The following ARL13B variants were observed in gnomAD, a reference collection of about 807,000 sequenced individuals.
ARL13B encodes ARF like GTPase 13B.
Under a neutral mutation model 56.1 loss-of-function variants are expected in ARL13B, and 36 were observed. The observed-to-expected ratio is 0.64, with a 90% CI of 0.49 to 0.85. The LOEUF (loss-of-function observed/expected upper bound fraction) is 0.85, where lower values mean the gene tolerates loss of function less well. Ranked by LOEUF, ARL13B falls within the 40% of genes least tolerant of loss-of-function variation. ARL13B has a pLI of 0.00. For synonymous variants in ARL13B, 178 were observed against 171.1 expected, an observed-to-expected ratio of 1.04 and a Z score of -0.32; for missense variants, 519 against 507.1, an observed-to-expected ratio of 1.02 and a Z score of -0.23.
Position 94,055,419 on chromosome 3 carries a change from A to G in ARL13B, c.*2156A>G. On this transcript the variant is annotated 3_prime_UTR_variant, in exon 10 of 10. Coordinates refer to ENST00000394222, the MANE Select transcript of ARL13B (RefSeq NM_001174150.2). ...AATGCATTTTTTTGATACTTTACAC[A>G]CAAAACTTTTTTCTCTCTGCAAGTT... 1 of 452,824 alleles carries G rather than the reference A, an allele frequency of 2.2e-6. No homozygotes were observed. The highest frequency in any genetic ancestry group is 1.6e-5 in the South Asian group (1 of 64,246). The allele number at this position is 452,824 out of a possible 1,614,324, so 28.1% of individuals were successfully genotyped here.
intron 3 of ARL13B, among the ~76,000 whole-genome samples, chr3:94,029,174 G>A (rs2107067387): frequency 6.7e-6 from 1 of 150,224 alleles, no homozygotes; most frequent in Admixed American, 6.6e-5. Flanking sequence ...ATACCAGAGG[G>A]AAATGTTTAT....
At chr3:94,051,855 C>T (rs778169364) in intron 9 of ARL13B, among the ~76,000 whole-genome samples, 8 of 151,472 alleles carry the variant, frequency 5.3e-5, no homozygotes. Flanking sequence ...TGCTTTTTTC[C>T]CCCAGAATTC....
intron 3 of ARL13B, among the ~76,000 whole-genome samples, chr3:94,033,540 A>G (rs1171030666): frequency 6.6e-6 from 1 of 152,218 alleles, no homozygotes; most frequent in African/African-American, 2.4e-5. Flanking sequence ...TATTTTTAGC[A>G]AGAATCCTGC....
chr3:94,006,994 T>C (rs2076146581), intron 3 of ARL13B, among the ~76,000 whole-genome samples: 1 of 152,158 alleles, frequency 6.6e-6, no homozygotes, highest in Admixed American at 6.5e-5. Context: ...TTCTCTTTGT[T>C]GCACACAGCT....
Position 94,054,835 on chromosome 3 carries a change from G to C in ARL13B, c.*1572G>C, listed in dbSNP as rs1311024443. Reference sequence around the variant, plus strand: ...ATTCGTAACAACCTAAATTTGAGAGGTGGCTGAAATGTGATGAAAAGCAAT... The same window carrying C: ...ATTCGTAACAACCTAAATTTGAGAGCTGGCTGAAATGTGATGAAAAGCAAT... On this transcript the variant is annotated 3_prime_UTR_variant, in exon 10 of 10. Transcript: ENST00000394222. The C allele has an allele frequency of 1.1e-5, 4 of 364,832 alleles. No homozygotes were observed. The Admixed American group carries it at 1.3e-4, about 12-fold the overall frequency. 22.6% of individuals were successfully genotyped at this position (364,832 alleles called of 1,614,324 possible).
chr3:94,049,299 G>A (rs2077030626), intron 7 of ARL13B, 107 bp from the exon 8 acceptor site: 1 of 619,960 alleles, frequency 1.6e-6, no homozygotes, highest in South Asian at 2.3e-5. Context: ...AAATAGTCAA[G>A]ATGTTTTTTG....
In ARL13B at chr3:93,985,860, G is replaced by C. The variant is rs1273347687; in HGVS notation, c.59+5378G>C. Among the ~76,000 whole-genome samples the C allele has an allele frequency of 2.0e-5, 3 of 152,044 alleles. No individual in the cohort carries two copies. In the South Asian group the frequency reaches 6.2e-4, roughly 32 times the overall value. ...TTTACTTCAAATTTATTAGTAAATT[G>C]TTTGCTGTGGCCAAGTCTAAAATAA... On this transcript the variant is annotated intron_variant, in intron 1 of 9. Coordinates refer to ENST00000394222, the MANE Select transcript of ARL13B (RefSeq NM_001174150.2).
chr3:93,987,581 G>A (rs1265650392), intron 1 of ARL13B, among the ~76,000 whole-genome samples: 2 of 152,002 alleles, frequency 1.3e-5, no homozygotes, highest in Admixed American at 1.3e-4. Flanking sequence ...GTCGTGTTGA[G>A]AATAAGTATA....
intron 3 of ARL13B, among the ~76,000 whole-genome samples, chr3:94,025,994 C>T (rs2076547441): frequency 6.6e-6 from 1 of 151,686 alleles, no homozygotes; most frequent in African/African-American, 2.4e-5. Flanking sequence ...TATGTTTCCT[C>T]ATCATTTCTG....
intron 3 of ARL13B, among the ~76,000 whole-genome samples, chr3:94,023,541 A>C (rs546765845): frequency 6.6e-6 from 1 of 151,664 alleles, no homozygotes. Flanking sequence ...TTTTCTTTGT[A>C]TTATTTTCAT....
At chr3:93,983,753 T>C (rs1325043350) in intron 1 of ARL13B, among the ~76,000 whole-genome samples, 1 of 152,184 alleles carries the variant, frequency 6.6e-6, no homozygotes, top group Non-Finnish European at 1.5e-5. Context: ...TGTTGTGTTT[T>C]TTCTATTGGG....
At chr3:94,046,788 A>G (rs182946578) in intron 7 of ARL13B, among the ~76,000 whole-genome samples, 77 of 152,260 alleles carry the variant, frequency 5.1e-4, no homozygotes, top group Non-Finnish European at 1.5e-4. Context: ...TTGGTACAAC[A>G]TTTTTAAAAT....
At chr3:94,043,956 C>T (rs550827530) in intron 7 of ARL13B, among the ~76,000 whole-genome samples, 125 of 151,976 alleles carry the variant, frequency 8.2e-4, no homozygotes, top group African/African-American at 2.8e-3. Flanking sequence ...GCTCACTCAA[C>T]GCTCAATGTT....
chr3:94,043,344 A>G, intron 7 of ARL13B, 104 bp downstream of exon 7: 1 of 1,055,238 alleles, frequency 9.5e-7, no homozygotes, highest in South Asian at 1.6e-5. Context: ...GTACTTCAAT[A>G]TTTTTCTGTC....
intron 1 of ARL13B, among the ~76,000 whole-genome samples, chr3:93,990,881 T>A (rs2075863895): frequency 6.6e-6 from 1 of 152,204 alleles, no homozygotes; most frequent in African/African-American, 2.4e-5. Flanking sequence ...AACTTCTCAC[T>A]TTAAGAACTT....
At chr3:94,031,195 G>C (rs1644980638) in intron 3 of ARL13B, among the ~76,000 whole-genome samples, 1 of 151,628 alleles carries the variant, frequency 6.6e-6, no homozygotes, top group African/African-American at 2.4e-5. Context: ...CTGTCTCAAA[G>C]AAATAAACAA....
chr3:94,044,539 T>C (rs573970022), intron 7 of ARL13B, among the ~76,000 whole-genome samples: 88 of 127,242 alleles, frequency 6.9e-4, no homozygotes, highest in African/African-American at 2.6e-3. Flanking sequence ...GGCCGCTCCA[T>C]CTGGGAGGTG....
intron 1 of ARL13B, among the ~76,000 whole-genome samples, chr3:93,981,865 C>CAAAAAAAAAAAAAAAA (rs11396818): frequency 5.8e-5 from 4 of 68,394 alleles, no homozygotes; most frequent in African/African-American, 1.0e-4. Context: ...AACCCTGTCT[C>CAAAAAAAAAAAAAAAA]AAAAAAAAAA....
chr3:94,053,690 C>A lies in ARL13B; in HGVS notation c.*427C>A. The A allele has an allele frequency of 3.3e-6, 1 of 303,782 alleles. No individual in the cohort carries two copies. Among genetic ancestry groups the A allele is most frequent in the Non-Finnish European group, 6.5e-6 (1 of 154,482 alleles). The allele number at this position is 303,782 out of a possible 1,614,324, so 18.8% of individuals were successfully genotyped here. On this transcript the variant is annotated 3_prime_UTR_variant, in exon 10 of 10. Coordinates refer to ENST00000394222, the MANE Select transcript of ARL13B (RefSeq NM_001174150.2). ...AAGGGGGACTTCTAGGAATTTATAA[C>A]CAAAATTTTAAAACTATTTTTATAT...
Sources: gnomAD v4.1 joint callset for allele counts (sites outside exome capture counted in the v4.1 genomes callset) on GRCh38, gnomAD v4.1.1 for gene constraint, MANE v1.5 for transcripts, NCBI Gene and HGNC (gene_info 2026-07-23, HGNC 2026-07-21) for gene names.